ATP13A4: variants seen among roughly 807,000 people sequenced by gnomAD.
ATP13A4 encodes the protein probable cation-transporting ATPase 13A4.
In ATP13A4, 114 loss-of-function variants were observed where a neutral mutation model predicts 142.5. The observed-to-expected ratio is 0.80, with a 90% CI of 0.69 to 0.93. ATP13A4 has a LOEUF of 0.93. Among genes scored for constraint, ATP13A4 ranks in the 40% least tolerant of loss-of-function variants. The pLI is 0.00. For synonymous variants in ATP13A4, 488 were observed against 514.8 expected, an observed-to-expected ratio of 0.95 and a Z score of 0.70; for missense variants, 1,392 against 1,454.0, an observed-to-expected ratio of 0.96 and a Z score of 0.69.
At position 193,401,868 on chromosome 3, in the gene ATP13A4, T is replaced by C. The variant is rs1714272365; in HGVS notation, c.*784A>G. Among the ~76,000 whole-genome samples, 1 of 151,646 alleles carries C rather than the reference T, an allele frequency of 6.6e-6. No homozygotes were observed. The highest frequency in any genetic ancestry group is 2.4e-5 in the African/African-American group (1 of 41,242). Reference sequence around the variant, plus strand: ...AAATCCTTGACTAATGAGATATGAGTAGGGAAAGCAATGTGTGCCACTTTT... The same window carrying C: ...AAATCCTTGACTAATGAGATATGAGCAGGGAAAGCAATGTGTGCCACTTTT... On this transcript the variant is annotated 3_prime_UTR_variant, in exon 30 of 30. Coordinates refer to ENST00000342695, the MANE Select transcript of ATP13A4 (RefSeq NM_032279.4).
Position 193,526,594 on chromosome 3 carries a change from C to T in ATP13A4, c.61-11723G>A, listed in dbSNP as rs538187764. 2.6e-5 allele frequency among the ~76,000 whole-genome samples: 4 copies of T among 152,242 alleles called. No homozygotes were observed. In the South Asian group the frequency reaches 8.3e-4, roughly 32 times the overall value. On this transcript the variant is annotated intron_variant, in intron 1 of 29. Coordinates refer to ENST00000342695, the MANE Select transcript of ATP13A4 (RefSeq NM_032279.4). ...ACATAAGAAACCTGCATGTTCTTCA[C>T]ATGTATCCCAGAACTTAAAGTAAAA...
At chr3:193,583,006 A>ATG (rs1318923232) in intron 1 of ATP13A4, among the ~76,000 whole-genome samples, 3 of 140,324 alleles carry the variant, frequency 2.1e-5, no homozygotes, top group Non-Finnish European at 3.0e-5. Flanking sequence ...AAATATATAT[A>ATG]TGTATATTAT....
At chr3:193,525,705 C>T (rs1404876338) in intron 1 of ATP13A4, among the ~76,000 whole-genome samples, 1 of 152,186 alleles carries the variant, frequency 6.6e-6, no homozygotes, top group African/African-American at 2.4e-5. Flanking sequence ...TCTAAGTTCC[C>T]TCCTCATCAC....
At chr3:193,563,486 A>G (rs1490136902) in intron 2 of ATP13A4, among the ~76,000 whole-genome samples, 1 of 152,214 alleles carries the variant, frequency 6.6e-6, no homozygotes, top group Non-Finnish European at 1.5e-5. Flanking sequence ...GTAAATGATC[A>G]ACACATACTG....
chr3:193,566,664 C>T (rs1184848106), intron 2 of ATP13A4, among the ~76,000 whole-genome samples: 1 of 152,190 alleles, frequency 6.6e-6, no homozygotes, highest in East Asian at 1.9e-4. Flanking sequence ...CTCACCATTC[C>T]TTTCCACTAC....
chr3:193,522,674 A>C (rs1024297612), intron 1 of ATP13A4, among the ~76,000 whole-genome samples: 1 of 152,294 alleles, frequency 6.6e-6, no homozygotes, highest in East Asian at 1.9e-4. Context: ...GATTTGAGCT[A>C]ATGGATGTGC....
At chr3:193,456,698 G>T (rs780919607) in intron 16 of ATP13A4, among the ~76,000 whole-genome samples, 140 of 152,252 alleles carry the variant, frequency 9.2e-4, no homozygotes, top group Non-Finnish European at 1.2e-3. Flanking sequence ...ATGAGCAGGT[G>T]CAGAGAAGGA....
chr3:193,414,836 A>G (rs1209235798), intron 25 of ATP13A4, 86 bp from the exon 26 acceptor site: 21 of 1,341,328 alleles, frequency 1.6e-5, no homozygotes, highest in Non-Finnish European at 1.9e-5. Context: ...ATTGGCCCAT[A>G]CATTTGAGGA....
chr3:193,568,632 G>GT (rs1399180084), intron 2 of ATP13A4, among the ~76,000 whole-genome samples: 1 of 152,144 alleles, frequency 6.6e-6, no homozygotes, highest in African/African-American at 2.4e-5. Flanking sequence ...CCAGATCTTT[G>GT]TTTCTAATGC....
chr3:193,581,561 TA>T (rs1724546821), intron 2 of ATP13A4: 1 of 152,172 alleles, frequency 6.6e-6, no homozygotes, highest in African/African-American at 2.4e-5. Flanking sequence ...TAGTCACAGG[TA>T]ATCTCTGAAG....
At position 193,402,789 on chromosome 3, in the gene ATP13A4, G is replaced by A. The variant is rs376131238; in HGVS notation, c.3454C>T (p.Arg1152Trp). 5.0e-5 allele frequency: 80 copies of A among 1,613,976 alleles called. No individual in the cohort carries two copies. The highest frequency in any genetic ancestry group is 6.0e-5 in the Non-Finnish European group (71 of 1,180,018). The change falls in exon 30 of 30, where the codon CGG (arginine) becomes TGG (tryptophan). Residue 1152 changes from arginine (R) to tryptophan (W), a missense_variant. Transcript: ENST00000342695. ...TTTGCCAAGTCCCTCTGCCATATCC[G>A]ATACTGGCTTTTTGACTGATAGCCG... ...CFGYQSKSQY[R>W]IWQRDLANDP...
intron 25 of ATP13A4, among the ~76,000 whole-genome samples, chr3:193,419,836 C>A (rs1017429412): frequency 6.7e-6 from 1 of 150,066 alleles, no homozygotes; most frequent in Non-Finnish European, 1.5e-5. Context: ...GTGCTGCTCC[C>A]TGTCCCCCAC....
At chr3:193,563,975 G>A (rs1724080177) in intron 2 of ATP13A4, among the ~76,000 whole-genome samples, 1 of 152,172 alleles carries the variant, frequency 6.6e-6, no homozygotes, top group Admixed American at 6.5e-5. Flanking sequence ...AACAGTACTT[G>A]AGAAATGTTT....
At chr3:193,407,886 C>T (rs890560984) in intron 28 of ATP13A4, among the ~76,000 whole-genome samples, 18 of 152,236 alleles carry the variant, frequency 1.2e-4, no homozygotes, top group African/African-American at 3.9e-4. Flanking sequence ...CCCAGCCAAG[C>T]CCTGCCTTTA....
intron 24 of ATP13A4, 97 bp from the exon 25 acceptor site, chr3:193,434,014 T>C (rs1716118436): frequency 1.1e-5 from 11 of 1,006,644 alleles, no homozygotes; most frequent in Admixed American, 1.8e-5. Flanking sequence ...ATAGGGTTTT[T>C]CAAGTAAATT....
intron 20 of ATP13A4, among the ~76,000 whole-genome samples, chr3:193,440,998 T>G (rs1716599616): frequency 6.8e-6 from 1 of 147,524 alleles, no homozygotes; most frequent in South Asian, 2.2e-4. Flanking sequence ...AAACTATCGA[T>G]CTATCTCTCT....
intron 8 of ATP13A4, among the ~76,000 whole-genome samples, 192 bp downstream of exon 8, chr3:193,483,744 G>GT (rs1278710222): frequency 6.6e-6 from 1 of 152,024 alleles, no homozygotes; most frequent in Non-Finnish European, 1.5e-5. Context: ...GATTACAGGC[G>GT]TGAGCCACCG....
intron 6 of ATP13A4, among the ~76,000 whole-genome samples, chr3:193,490,524 CTG>C (rs1407817902): frequency 2.0e-5 from 3 of 152,290 alleles, no homozygotes; most frequent in African/African-American, 4.8e-5. Flanking sequence ...ATCTAGAACA[CTG>C]TGCGAGAGAG....
intron 1 of ATP13A4, among the ~76,000 whole-genome samples, chr3:193,526,518 C>A (rs560842084): frequency 2.6e-5 from 4 of 152,134 alleles, no homozygotes; most frequent in African/African-American, 7.2e-5. Context: ...GGCTTAAAAC[C>A]TAGATGACAG....
Sources: gnomAD v4.1 joint callset for allele counts (sites outside exome capture counted in the v4.1 genomes callset) on GRCh38, gnomAD v4.1.1 for gene constraint, MANE v1.5 for transcripts, NCBI Gene and HGNC (gene_info 2026-07-23, HGNC 2026-07-21) for gene names.